SIL1: variants seen among roughly 807,000 people sequenced by gnomAD.
SIL1 encodes the protein nucleotide exchange factor SIL1.
SIL1 carries 40 observed loss-of-function variants against 49.1 expected under a neutral mutation model. The ratio of observed to expected loss-of-function variants is 0.81; its 90% CI spans 0.63 to 1.06. The LOEUF is 1.06. SIL1 is among the 50% of genes least tolerant of loss of function. SIL1 has a pLI of 0.00. For synonymous variants in SIL1, 253 were observed against 250.8 expected (o/e 1.01, Z -0.08); for missense variants, 500 against 572.6 (o/e 0.87, Z 1.29).
chr5:139,101,001 T>G (rs1770575591), intron 3 of SIL1, among the ~76,000 whole-genome samples: 1 of 151,434 alleles, frequency 6.6e-6, no homozygotes, highest in Non-Finnish European at 1.5e-5. Flanking sequence ...ACGCCTTAAG[T>G]GTAGACAGAG....
At position 138,951,802 on chromosome 5, in the gene SIL1, T is replaced by G; in HGVS notation, c.850A>C (p.Thr284Pro). 1 of 1,614,084 alleles carries G rather than the reference T, an allele frequency of 6.2e-7. No individual in the cohort carries two copies. The highest frequency in any genetic ancestry group is 8.5e-7 in the Non-Finnish European group (1 of 1,179,992). ...LVILATEQPL[T>P]AKKKVLFALC... ...TGGAAACACACCTTCTTCTTTGCAG[T>G]GAGCGGCTGCTCCGTGGCCAGGATG... Residue 284 changes from threonine to proline, a missense_variant, in exon 8 of 10, where the codon ACT becomes CCT. Thr to Pro is a conservative substitution (Grantham distance 38). Transcript: ENST00000394817.
Position 139,121,139 on chromosome 5 carries a change from C to A in SIL1, c.140G>T (p.Ser47Ile). The A allele has an allele frequency of 6.2e-7, 1 of 1,614,180 alleles. No individual in the cohort carries two copies. Among genetic ancestry groups the A allele is most frequent in the South Asian group, 1.1e-5 (1 of 91,082 alleles). Reference sequence around the variant, plus strand: ...TTCTTTTCTCTCTGTTTCTTTGGTGCTGCTCTTCTCTGGGTTGGTCAGGGC... The same window carrying A: ...TTCTTTTCTCTCTGTTTCTTTGGTGATGCTCTTCTCTGGGTTGGTCAGGGC... Reference protein sequence around the residue: ...EFALTNPEKSSTKETERKETK... With the variant: ...EFALTNPEKSITKETERKETK... Residue 47 changes from serine (S) to isoleucine (I), a missense_variant, in exon 3 of 10, where the codon AGC becomes ATC. Coordinates refer to ENST00000394817, the MANE Select transcript of SIL1 (RefSeq NM_022464.5).
chr5:139,067,615 C>T (rs1004878590), intron 3 of SIL1, among the ~76,000 whole-genome samples: 2 of 152,226 alleles, frequency 1.3e-5, no homozygotes, highest in East Asian at 3.8e-4. Flanking sequence ...CTAAAAAGGT[C>T]CATAGGTCTC....
At chr5:138,959,383 A>G (rs1766970281) in intron 7 of SIL1, among the ~76,000 whole-genome samples, 1 of 152,258 alleles carries the variant, frequency 6.6e-6, no homozygotes, top group African/African-American at 2.4e-5. Context: ...CTTGAAGACT[A>G]CATCATCAAA....
intron 7 of SIL1, among the ~76,000 whole-genome samples, chr5:138,966,184 C>A (rs1486960136): frequency 6.6e-6 from 1 of 152,092 alleles, no homozygotes; most frequent in African/African-American, 2.4e-5. Flanking sequence ...CCACTCAAAC[C>A]CCCGTTACTG....
chr5:139,164,511 C>T (rs538762147), intron 1 of SIL1, among the ~76,000 whole-genome samples: 11 of 152,288 alleles, frequency 7.2e-5, no homozygotes, highest in Non-Finnish European at 1.6e-4. Flanking sequence ...GTCAGCCTCT[C>T]TCAGCCCCTA....
chr5:139,177,268 C>T (rs1201467023), intron 1 of SIL1, among the ~76,000 whole-genome samples: 1 of 151,172 alleles, frequency 6.6e-6, no homozygotes, highest in Non-Finnish European at 1.5e-5. Flanking sequence ...TTATTTGAGA[C>T]TGGCTCTGTC....
intron 3 of SIL1, among the ~76,000 whole-genome samples, chr5:139,083,112 C>A (rs184044179): frequency 6.6e-6 from 1 of 152,192 alleles, no homozygotes; most frequent in East Asian, 1.9e-4. Context: ...ATTACTGTAA[C>A]CTGAGGCTTG....
chr5:139,123,848 T>G (rs761633524), intron 2 of SIL1, among the ~76,000 whole-genome samples: 1 of 152,202 alleles, frequency 6.6e-6, no homozygotes, highest in African/African-American at 2.4e-5. Context: ...ATGTGAAATG[T>G]TCTTATTTTT....
chr5:139,115,360 A>G (rs1336381232), intron 3 of SIL1, among the ~76,000 whole-genome samples: 1 of 152,096 alleles, frequency 6.6e-6, no homozygotes, highest in Non-Finnish European at 1.5e-5. Context: ...CCTTTCAACT[A>G]TGGGGCTTTT....
chr5:139,074,423 C>T (rs960746208), intron 3 of SIL1, among the ~76,000 whole-genome samples: 8 of 152,148 alleles, frequency 5.3e-5, no homozygotes, highest in Non-Finnish European at 1.2e-4. Context: ...CAATTTTTAA[C>T]AAATAATATA....
At chr5:138,952,242 C>G (rs1235253938) in intron 7 of SIL1, among the ~76,000 whole-genome samples, 1 of 152,236 alleles carries the variant, frequency 6.6e-6, no homozygotes, top group African/African-American at 2.4e-5. Flanking sequence ...TGGCGCTTCC[C>G]AAGCCAGTGC....
chr5:138,952,594 T>C (rs1356493125), intron 7 of SIL1, among the ~76,000 whole-genome samples: 1 of 152,214 alleles, frequency 6.6e-6, no homozygotes, highest in Admixed American at 6.5e-5. Flanking sequence ...CAGTAGGGAA[T>C]GAATGAACGA....
intron 7 of SIL1, among the ~76,000 whole-genome samples, chr5:138,988,796 C>A (rs916265955): frequency 4.6e-5 from 7 of 152,066 alleles, no homozygotes; most frequent in African/African-American, 1.4e-4. Flanking sequence ...TCGCTTGAGC[C>A]CAGGAGGTTG....
chr5:138,961,952 CTTTTTTTTTT>C (rs10593901), intron 7 of SIL1, among the ~76,000 whole-genome samples: 2 of 119,738 alleles, frequency 1.7e-5, no homozygotes, highest in African/African-American at 6.2e-5. Flanking sequence ...GTTCTCTAGA[CTTTTTTTTTT>C]TTTTTTTTTT....
intron 1 of SIL1, chr5:139,128,094 T>A: frequency 1.9e-6 from 1 of 528,226 alleles, no homozygotes; most frequent in Non-Finnish European, 3.6e-6. Context: ...CTGCATAAGC[T>A]ATTACAGCCC....
chr5:139,169,454 A>ATG (rs963066628), intron 1 of SIL1, among the ~76,000 whole-genome samples: 11 of 150,066 alleles, frequency 7.3e-5, no homozygotes, highest in African/African-American at 2.5e-4. Context: ...GTGTGTGTGT[A>ATG]TGTGTGTGTG....
intron 3 of SIL1, among the ~76,000 whole-genome samples, chr5:139,057,495 C>T (rs1423843761): frequency 2.0e-5 from 3 of 151,886 alleles, no homozygotes; most frequent in Admixed American, 1.3e-4. Flanking sequence ...CTGCCCCCTC[C>T]TGGCAGTCAG....
chr5:139,178,083 A>C (rs1358222805), intron 1 of SIL1, among the ~76,000 whole-genome samples: 1 of 152,216 alleles, frequency 6.6e-6, no homozygotes, highest in East Asian at 1.9e-4. Context: ...TGAAACCTCC[A>C]GGCCTTTTTC....
Sources: gnomAD v4.1 joint callset for allele counts (sites outside exome capture counted in the v4.1 genomes callset) on GRCh38, gnomAD v4.1.1 for gene constraint, MANE v1.5 for transcripts, NCBI Gene and HGNC (gene_info 2026-07-23, HGNC 2026-07-21) for gene names.